PDE4B: variants seen among roughly 807,000 people sequenced by gnomAD.
PDE4B encodes the protein 3',5'-cyclic-AMP phosphodiesterase 4B.
In PDE4B, 20 loss-of-function variants were observed where a neutral mutation model predicts 82.2. That is an observed-to-expected ratio of 0.24 (90% CI 0.17 to 0.35). The LOEUF (loss-of-function observed/expected upper bound fraction) is 0.35, where lower values mean the gene tolerates loss of function less well. Among genes scored for constraint, PDE4B ranks in the 10% least tolerant of loss-of-function variants. PDE4B has a pLI of 1.00. For synonymous variants in PDE4B, 320 were observed against 318.9 expected, an observed-to-expected ratio of 1.00 and a Z score of -0.04; for missense variants, 655 against 907.2, an observed-to-expected ratio of 0.72 and a Z score of 3.57.
rs867870056 is a variant in PDE4B, at chr1:66,022,158, T to G, written c.281+103323T>G. 7.9e-5 allele frequency among the ~76,000 whole-genome samples: 12 copies of G among 152,242 alleles called. No individual in the cohort carries two copies. In the South Asian group the frequency reaches 1.2e-3, roughly 16 times the overall value. On this transcript the variant is annotated intron_variant, in intron 3 of 16. Coordinates refer to ENST00000341517, the MANE Select transcript of PDE4B (RefSeq NM_002600.4). Reference sequence around the variant, plus strand: ...GCTTGTGATTTTTGCACATTGATTTTGTATCATGAGACTTTGCTGAAGTTG... The same window carrying G: ...GCTTGTGATTTTTGCACATTGATTTGGTATCATGAGACTTTGCTGAAGTTG...
At chr1:66,156,401 AG>A (rs1275534028) in intron 3 of PDE4B, among the ~76,000 whole-genome samples, 5 of 152,186 alleles carry the variant, frequency 3.3e-5, no homozygotes, top group Admixed American at 6.5e-5. Flanking sequence ...TTGTTGAGAA[AG>A]GTTAGACAGT....
At position 66,293,454 on chromosome 1, in the gene PDE4B, T is replaced by C. The variant is rs151135448; in HGVS notation, c.634+27367T>C. Reference sequence around the variant, plus strand: ...AAAAGGTGGGTAAACTGAATATTTATTGAGCATCTACTATGTGCATTGCAT... The same window carrying C: ...AAAAGGTGGGTAAACTGAATATTTACTGAGCATCTACTATGTGCATTGCAT... On this transcript the variant is annotated intron_variant, in intron 7 of 16. Coordinates refer to ENST00000341517, the MANE Select transcript of PDE4B (RefSeq NM_002600.4). 2.5e-3 allele frequency among the ~76,000 whole-genome samples: 381 copies of C among 151,536 alleles called. 1 individual carries two copies. Among genetic ancestry groups the C allele is most frequent in the Non-Finnish European group, 3.8e-3 (259 of 68,000 alleles).
At chr1:65,794,298 A>G (rs2101143015) in intron 1 of PDE4B, among the ~76,000 whole-genome samples, 1 of 152,318 alleles carries the variant, frequency 6.6e-6, no homozygotes, top group African/African-American at 2.4e-5. Context: ...AGTTATAAGA[A>G]TGAAAGGCAC....
intron 1 of PDE4B, among the ~76,000 whole-genome samples, chr1:65,884,295 T>A (rs1438390159): frequency 5.3e-5 from 8 of 152,150 alleles, no homozygotes; most frequent in Admixed American, 3.3e-4. Context: ...CTTGGGCTTT[T>A]TTTGGTTGGT....
chr1:66,044,800 T>C (rs1047251190), intron 3 of PDE4B, among the ~76,000 whole-genome samples: 2 of 151,702 alleles, frequency 1.3e-5, no homozygotes, highest in Non-Finnish European at 3.0e-5. Context: ...TTCCATGCCA[T>C]ATGTGATCAT....
chr1:66,121,283 G>A (rs1322895998), intron 3 of PDE4B, among the ~76,000 whole-genome samples: 1 of 152,170 alleles, frequency 6.6e-6, no homozygotes, highest in Non-Finnish European at 1.5e-5. Context: ...GGTAATGGGG[G>A]ACATTTTAGC....
intron 1 of PDE4B, among the ~76,000 whole-genome samples, chr1:65,806,089 A>C (rs1320746156): frequency 1.3e-5 from 2 of 152,142 alleles, no homozygotes; most frequent in African/African-American, 4.8e-5. Flanking sequence ...TCAGATCAAC[A>C]TGCACCTTTA....
At chr1:65,857,747 G>A (rs534714092) in intron 1 of PDE4B, among the ~76,000 whole-genome samples, 3 of 152,172 alleles carry the variant, frequency 2.0e-5, no homozygotes, top group South Asian at 2.1e-4. Flanking sequence ...TTGGGCATAC[G>A]GTCTAACTCC....
intron 3 of PDE4B, among the ~76,000 whole-genome samples, chr1:65,937,610 G>A (rs1336565309): frequency 6.6e-6 from 1 of 152,112 alleles, no homozygotes; most frequent in Non-Finnish European, 1.5e-5. Context: ...GAATCTTTTG[G>A]CTACAGAAAC....
Position 66,352,910 on chromosome 1 carries a change from A to G in PDE4B, c.748-2617A>G, listed in dbSNP as rs1282553601. ...ATTGTTTGAATGTTATATTTGCCTA[A>G]GTCTAGTGCAGAGAAAATTATGGAA... On this transcript the variant is annotated intron_variant, in intron 8 of 16. Transcript: ENST00000341517. Among the ~76,000 whole-genome samples the G allele has an allele frequency of 3.3e-5, 5 of 152,230 alleles. No individual in the cohort carries two copies. In the East Asian group the frequency reaches 7.7e-4, roughly 23 times the overall value.
intron 1 of PDE4B, among the ~76,000 whole-genome samples, chr1:65,904,837 G>A (rs924105799): frequency 6.6e-6 from 1 of 152,144 alleles, no homozygotes; most frequent in Non-Finnish European, 1.5e-5. Context: ...GATAAAAATA[G>A]TTGTGAGAAT....
chr1:66,315,071 C>T (rs1304592593), intron 7 of PDE4B, among the ~76,000 whole-genome samples: 1 of 152,204 alleles, frequency 6.6e-6, no homozygotes, highest in Non-Finnish European at 1.5e-5. Context: ...GCTCCCAGAC[C>T]ACCTTTACCC....
intron 3 of PDE4B, among the ~76,000 whole-genome samples, chr1:66,228,908 A>G (rs1052582039): frequency 3.1e-5 from 4 of 129,708 alleles, no homozygotes; most frequent in African/African-American, 1.0e-4. Flanking sequence ...TCTGTCTTCT[A>G]TAGTCTGCAC....
At chr1:65,881,358 C>T (rs1646706132) in intron 1 of PDE4B, among the ~76,000 whole-genome samples, 1 of 152,116 alleles carries the variant, frequency 6.6e-6, no homozygotes, top group Admixed American at 6.6e-5. Context: ...TTGCTTGGAC[C>T]CTGGCTGGGG....
chr1:65,842,402 T>C (rs1379861416), intron 1 of PDE4B, among the ~76,000 whole-genome samples: 1 of 152,148 alleles, frequency 6.6e-6, no homozygotes, highest in Non-Finnish European at 1.5e-5. Context: ...TGGCTCTTAG[T>C]AGTTTGAAGT....
At chr1:65,933,790 A>G (rs2100525886) in intron 3 of PDE4B, among the ~76,000 whole-genome samples, 1 of 152,348 alleles carries the variant, frequency 6.6e-6, no homozygotes, top group East Asian at 1.9e-4. Flanking sequence ...AGAAAGTGAA[A>G]CTTGGTAATG....
intron 3 of PDE4B, among the ~76,000 whole-genome samples, chr1:66,120,914 T>C (rs570558044): frequency 2.0e-5 from 3 of 152,228 alleles, no homozygotes; most frequent in Non-Finnish European, 2.9e-5. Flanking sequence ...ATTTTATATG[T>C]CTCACATGTT....
intron 1 of PDE4B, among the ~76,000 whole-genome samples, chr1:65,884,823 C>T (rs1428453994): frequency 6.6e-6 from 1 of 152,132 alleles, no homozygotes; most frequent in East Asian, 1.9e-4. Flanking sequence ...GTCTAAAACA[C>T]CAAAAGCAAT....
At chr1:65,988,405 C>CTGT (rs948153748) in intron 3 of PDE4B, among the ~76,000 whole-genome samples, 1 of 152,044 alleles carries the variant, frequency 6.6e-6, no homozygotes, top group African/African-American at 2.4e-5. Context: ...CTGTTATATA[C>CTGT]TGTTGTATAA....
Sources: allele counts gnomAD v4.1 joint callset (sites outside exome capture counted in the v4.1 genomes callset), GRCh38; gene constraint gnomAD v4.1.1; transcripts MANE v1.5; gene names NCBI Gene and HGNC (gene_info 2026-07-23, HGNC 2026-07-21).